SP140: variants seen among roughly 807,000 people sequenced by gnomAD.
The protein encoded by SP140 is SP140 nuclear body protein.
A neutral mutation model predicts 125.0 loss-of-function variants in SP140; 81 were observed. The observed-to-expected ratio is 0.65, with a 90% CI of 0.54 to 0.78. The LOEUF (loss-of-function observed/expected upper bound fraction) is 0.78, where lower values mean the gene tolerates loss of function less well. Ranked by LOEUF, SP140 falls within the 30% of genes least tolerant of loss-of-function variation. The probability of loss-of-function intolerance (pLI) is 0.00; values close to 1 mark genes in which losing one functional copy is unlikely to be tolerated. For missense variants in SP140, 858 were observed against 1,037.0 expected (o/e 0.83, Z 2.37); for synonymous variants, 312 against 354.0 (o/e 0.88, Z 1.33).
chr2:230,292,551 C>A, intron 19 of SP140, 95 bp from the exon 20 acceptor site: 6 of 1,515,498 alleles, frequency 4.0e-6, no homozygotes, highest in Non-Finnish European at 3.6e-6. Context: ...ATCTGCATCA[C>A]AAATTGGGTG....
chr2:230,190,600 C>G, the SP140 span, among the ~76,000 whole-genome samples: 1 of 152,038 alleles, frequency 6.6e-6, no homozygotes, highest in Non-Finnish European at 1.5e-5. Flanking sequence ...GTTGTAATAG[C>G]TTTTGGCTTT....
chr2:230,298,175 G>C (rs2057936085), intron 22 of SP140, among the ~76,000 whole-genome samples: 1 of 152,180 alleles, frequency 6.6e-6, no homozygotes, highest in African/African-American at 2.4e-5. Flanking sequence ...TTCTCTGCTT[G>C]CTATATGACT....
In SP140 at chr2:230,209,567, T is replaced by C. The variant is rs567012184; in HGVS notation, c.-322-4087T>C. On this transcript the variant is annotated intron_variant, in intron 1 of 4. Transcript: ENST00000456542. ...GTCTCTCACCATGAGGTGTGAGTGATGGATGGCAGAGAATGCCTAGCCATG... is the reference window on the plus strand; with the variant it reads ...GTCTCTCACCATGAGGTGTGAGTGACGGATGGCAGAGAATGCCTAGCCATG... Among the ~76,000 whole-genome samples, 327 of 152,232 alleles carry C rather than the reference T, an allele frequency of 2.1e-3. 1 individual carries two copies. Among genetic ancestry groups the C allele is most frequent in the Non-Finnish European group, 3.3e-3 (224 of 67,994 alleles).
rs559024686 is a variant in SP140 at position 230,265,346 on chromosome 2, CA to C, written c.1241-4185del. 4.4e-3 allele frequency among the ~76,000 whole-genome samples: 675 copies of C among 152,264 alleles called. 5 individuals are homozygous for C. Among genetic ancestry groups the C allele is most frequent in the Middle Eastern group, 0.014 (4 of 294 alleles). On this transcript the variant is annotated intron_variant, in intron 12 of 26. Transcript: ENST00000392045. ...GCCCCAACAGCCCCCAGACCATTTCCAGGCTTGAAAACCTGCCCCAGGCTAT... is the reference window on the plus strand; with the variant it reads ...GCCCCAACAGCCCCCAGACCATTTCCGGCTTGAAAACCTGCCCCAGGCTAT...
At chr2:230,218,807 G>A (rs2045516952) in intron 3 of SP140, among the ~76,000 whole-genome samples, 1 of 152,058 alleles carries the variant, frequency 6.6e-6, no homozygotes, top group Admixed American at 6.6e-5. Flanking sequence ...TTTTGCAAAC[G>A]AATAAGCAAA....
At chr2:230,267,444 A>C (rs942628667) in intron 12 of SP140, among the ~76,000 whole-genome samples, 1 of 152,238 alleles carries the variant, frequency 6.6e-6, no homozygotes, top group Non-Finnish European at 1.5e-5. Flanking sequence ...TGTTCCTCAG[A>C]TAATGGTCTG....
At chr2:230,200,449 A>T (rs999614709), upstream of SP140, 1 of 186,220 alleles carries the variant, frequency 5.4e-6, no homozygotes, top group Non-Finnish European at 1.1e-5. Flanking sequence ...TTCGCTTCTC[A>T]ATTTTCTCAG....
intron 15 of SP140, among the ~76,000 whole-genome samples, chr2:230,271,323 T>G (rs1403162090): frequency 6.6e-6 from 1 of 152,202 alleles, no homozygotes; most frequent in Non-Finnish European, 1.5e-5. Flanking sequence ...AATTTTAGAT[T>G]ATGATCGGAA....
downstream of SP140, among the ~76,000 whole-genome samples, chr2:230,313,913 G>A (rs2149653655): frequency 6.6e-6 from 1 of 152,336 alleles, no homozygotes; most frequent in South Asian, 2.1e-4. Context: ...ATGGGTTTTG[G>A]TGGCTATTGC....
At chr2:230,213,805 C>T (rs895203367) in intron 2 of SP140, 2 of 152,448 alleles carry the variant, frequency 1.3e-5, no homozygotes, top group African/African-American at 4.8e-5. Context: ...CCCCATGGTT[C>T]TCAGATGTTC....
intron 19 of SP140, among the ~76,000 whole-genome samples, chr2:230,292,338 A>G (rs1380608108): frequency 6.6e-6 from 1 of 152,208 alleles, no homozygotes; most frequent in African/African-American, 2.4e-5. Context: ...GAGTCCTCTC[A>G]TCTTTCAGAA....
chr2:230,242,438 G>C (rs1373260544), intron 4 of SP140, among the ~76,000 whole-genome samples: 2 of 152,134 alleles, frequency 1.3e-5, no homozygotes, highest in Non-Finnish European at 2.9e-5. Context: ...ATGATACTCA[G>C]ATTTCAATAG....
chr2:230,249,038 T>G, intron 9 of SP140, 70 bp downstream of exon 9: 1 of 1,191,880 alleles, frequency 8.4e-7, no homozygotes, highest in Non-Finnish European at 1.2e-6. Context: ...AAAAAAAGTT[T>G]CCCTTTCTCC....
chr2:230,232,309 T>A (rs746372261), intron 1 of SP140, among the ~76,000 whole-genome samples: 2 of 152,212 alleles, frequency 1.3e-5, no homozygotes, highest in Non-Finnish European at 2.9e-5. Context: ...TCATCAAACA[T>A]ACCAGGCTAT....
intron 15 of SP140, among the ~76,000 whole-genome samples, chr2:230,274,358 G>A (rs1326058474): frequency 2.6e-5 from 4 of 152,130 alleles, no homozygotes; most frequent in Admixed American, 1.3e-4. Flanking sequence ...AGATCACATG[G>A]GCCACTAAAG....
chr2:230,197,211 C>T, the SP140 span, among the ~76,000 whole-genome samples: 8 of 150,726 alleles, frequency 5.3e-5, no homozygotes, highest in Non-Finnish European at 1.0e-4. Context: ...CCTGTTGTTT[C>T]CTGACTTTTT....
At position 230,237,258 on chromosome 2, in the gene SP140, GAAGT is replaced by G. The variant is rs1454298295; in HGVS notation, c.237+6_237+9del. 6.2e-6 allele frequency: 10 copies of G among 1,609,394 alleles called. No individual in the cohort carries two copies. In the East Asian group the frequency reaches 6.7e-5, roughly 11 times the overall value. ...CTCCTTCATCTCCGAGCAGATGTAT[GAAGT>G]AAGTAAGAATTTCCAAATGATGATA... On this transcript the variant is annotated splice_donor_variant and coding_sequence_variant, in exon 2 of 27. Transcript: ENST00000392045. LOFTEE classifies it high-confidence loss of function. This position sits in a 1 kb window ranked among gnomAD's most constrained non-coding sequence, Gnocchi z 5.4.
At chr2:230,255,907 TG>T (rs1348309252) in intron 12 of SP140, among the ~76,000 whole-genome samples, 4 of 152,248 alleles carry the variant, frequency 2.6e-5, no homozygotes, top group South Asian at 2.1e-4. Flanking sequence ...AACCTTAAGA[TG>T]GGGGCAGGCA....
chr2:230,194,548 C>T, the SP140 span, among the ~76,000 whole-genome samples: 1 of 152,090 alleles, frequency 6.6e-6, no homozygotes, highest in Non-Finnish European at 1.5e-5. Flanking sequence ...AGCAGAGGAA[C>T]CAGAAAAATG....
Sources: allele counts gnomAD v4.1 joint callset (sites outside exome capture counted in the v4.1 genomes callset), GRCh38; gene constraint gnomAD v4.1.1; non-coding constraint Gnocchi (gnomAD v3.1); transcripts MANE v1.5; gene names NCBI Gene and HGNC (gene_info 2026-07-23, HGNC 2026-07-21).